The following GALNTL6 variants were observed in gnomAD, a reference collection of about 807,000 sequenced individuals.
GALNTL6 encodes polypeptide N-acetylgalactosaminyltransferase like 6.
In GALNTL6, 46 loss-of-function variants were observed where a neutral mutation model predicts 73.7. The ratio of observed to expected loss-of-function variants is 0.62; its 90% CI spans 0.49 to 0.80. The LOEUF (loss-of-function observed/expected upper bound fraction) is 0.80, where lower values mean the gene tolerates loss of function less well. Ranked by LOEUF, GALNTL6 falls within the 30% of genes least tolerant of loss-of-function variation. The probability of loss-of-function intolerance (pLI) is 0.00; values close to 1 mark genes in which losing one functional copy is unlikely to be tolerated. For synonymous variants in GALNTL6, 259 were observed against 263.7 expected, an observed-to-expected ratio of 0.98 and a Z score of 0.17; for missense variants, 604 against 755.0, an observed-to-expected ratio of 0.80 and a Z score of 2.34.
intron 2 of GALNTL6, among the ~76,000 whole-genome samples, chr4:172,049,347 C>G (rs1323635558): frequency 2.6e-5 from 4 of 152,124 alleles, no homozygotes; most frequent in African/African-American, 9.7e-5. Context: ...CAAAAAGAAA[C>G]AGTAGAGAGC....
chr4:172,905,807 T>G (rs1376814865), intron 8 of GALNTL6, among the ~76,000 whole-genome samples: 2 of 50,890 alleles, frequency 3.9e-5, no homozygotes, highest in African/African-American at 9.4e-5. Flanking sequence ...CTCCTAGAGA[T>G]CACTCAAAAA....
At chr4:172,696,085 A>G (rs1057203023) in intron 5 of GALNTL6, among the ~76,000 whole-genome samples, 1 of 152,218 alleles carries the variant, frequency 6.6e-6, no homozygotes, top group East Asian at 1.9e-4. Flanking sequence ...TTGGTCAATG[A>G]TAATGTGTGG....
intron 5 of GALNTL6, among the ~76,000 whole-genome samples, chr4:172,699,774 G>T (rs1733917523): frequency 6.6e-6 from 1 of 152,062 alleles, no homozygotes; most frequent in South Asian, 2.1e-4. Context: ...TAAGTTTTGT[G>T]CTTTGGGCCA....
chr4:172,961,394 C>G (rs1317442614), intron 10 of GALNTL6, among the ~76,000 whole-genome samples: 1 of 151,780 alleles, frequency 6.6e-6, no homozygotes, highest in East Asian at 1.9e-4. Context: ...GGTGTAGAGA[C>G]ATGGAGATAA....
At chr4:172,468,005 T>C (rs1455864585) in intron 5 of GALNTL6, among the ~76,000 whole-genome samples, 2 of 151,264 alleles carry the variant, frequency 1.3e-5, no homozygotes, top group Non-Finnish European at 2.9e-5. Flanking sequence ...GTGATCCTCC[T>C]ACTTCAGCCT....
intron 2 of GALNTL6, among the ~76,000 whole-genome samples, chr4:172,111,738 A>G (rs1732857038): frequency 6.6e-6 from 1 of 151,914 alleles, no homozygotes; most frequent in South Asian, 2.1e-4. Flanking sequence ...ACTTATATAC[A>G]TTTTATTTTT....
At position 172,606,702 on chromosome 4, in the gene GALNTL6, G is replaced by T. The variant is rs569827372; in HGVS notation, c.554-202659G>T. On this transcript the variant is annotated intron_variant, in intron 5 of 12. Transcript: ENST00000506823. ...TATATATATAGTATATATATATAGT[G>T]TGTATATATATAGTATATATATATA... Among the ~76,000 whole-genome samples, 782 of 82,618 alleles carry T rather than the reference G, an allele frequency of 9.5e-3. 14 individuals carry two copies. Among genetic ancestry groups the T allele is most frequent in the African/African-American group, 0.028 (730 of 26,068 alleles). 54.2% of individuals were successfully genotyped at this position (82,618 alleles called of 152,430 possible).
chr4:172,069,555 G>GTTATATATAACACATATGTGTTTTATATA (rs1553989776), intron 2 of GALNTL6, among the ~76,000 whole-genome samples: 1 of 60,914 alleles, frequency 1.6e-5, no homozygotes, highest in Admixed American at 2.1e-4. Context: ...ACACATATAT[G>GTTATATATAACACATATGTGTTTTATATA]TTATATATAA....
chr4:172,935,437 G>A (rs1053683767), intron 9 of GALNTL6, among the ~76,000 whole-genome samples: 1 of 151,988 alleles, frequency 6.6e-6, no homozygotes, highest in Admixed American at 6.6e-5. Context: ...AATCAGAGCA[G>A]AACTGAAGGA....
chr4:171,878,742 A>C (rs1736348815), intron 2 of GALNTL6, among the ~76,000 whole-genome samples: 1 of 152,182 alleles, frequency 6.6e-6, no homozygotes, highest in Non-Finnish European at 1.5e-5. Context: ...ATTTCATGTC[A>C]AATTGTAATC....
Position 172,192,678 on chromosome 4 carries a change from C to CAGG in GALNTL6, c.139-36975_139-36973dup, listed in dbSNP as rs371356371. Reference sequence around the variant, plus strand: ...TCATGGATCTGTGCAACTCGCCCATCAGGAGATCCATTTGTGAGCTCATGC... The same window carrying CAGG: ...TCATGGATCTGTGCAACTCGCCCATCAGGAGGAGATCCATTTGTGAGCTCATGC... On this transcript the variant is annotated intron_variant, in intron 2 of 12. Transcript: ENST00000506823. Among the ~76,000 whole-genome samples, 630 of 152,312 alleles carry CAGG rather than the reference C, an allele frequency of 4.1e-3. 3 individuals carry two copies. Among genetic ancestry groups the CAGG allele is most frequent in the African/African-American group, 0.014 (588 of 41,556 alleles).
At chr4:172,167,439 C>T (rs574907232) in intron 2 of GALNTL6, among the ~76,000 whole-genome samples, 12 of 152,152 alleles carry the variant, frequency 7.9e-5, no homozygotes, top group Middle Eastern at 6.8e-3. Flanking sequence ...CAAAATTCAG[C>T]GAAAGTTGTT....
chr4:173,037,308 G>T (rs921540209), intron 12 of GALNTL6, among the ~76,000 whole-genome samples: 25 of 152,188 alleles, frequency 1.6e-4, no homozygotes, highest in African/African-American at 6.0e-4. Context: ...ACTAGGAGAG[G>T]CTCCAGAGAT....
chr4:172,383,108 C>T (rs190860966), intron 5 of GALNTL6, among the ~76,000 whole-genome samples: 11 of 152,098 alleles, frequency 7.2e-5, no homozygotes, highest in Admixed American at 3.9e-4. Context: ...TTTGACTATT[C>T]TGGAGCCATT....
intron 5 of GALNTL6, among the ~76,000 whole-genome samples, chr4:172,462,169 A>G (rs772994678): frequency 4.0e-5 from 6 of 151,748 alleles, no homozygotes; most frequent in Non-Finnish European, 7.4e-5. Context: ...TTACACCACT[A>G]GTTTTCATAA....
At chr4:172,197,267 C>T (rs369887789) in intron 2 of GALNTL6, among the ~76,000 whole-genome samples, 14 of 152,040 alleles carry the variant, frequency 9.2e-5, no homozygotes, top group African/African-American at 1.9e-4. Flanking sequence ...GAACTACAAA[C>T]GACTGCTCAA....
At chr4:172,488,532 C>T (rs1733778139) in intron 5 of GALNTL6, among the ~76,000 whole-genome samples, 1 of 152,144 alleles carries the variant, frequency 6.6e-6, no homozygotes. Flanking sequence ...AAGCCCAGCA[C>T]AGTAAGACAG....
intron 2 of GALNTL6, among the ~76,000 whole-genome samples, chr4:172,226,587 G>C (rs375834626): frequency 2.5e-5 from 1 of 39,976 alleles, no homozygotes; most frequent in Non-Finnish European, 4.9e-5. Context: ...GTGTCTGTGT[G>C]TCTGTGTGTG....
rs114304360 is a variant in GALNTL6 at position 172,268,429 on chromosome 4, G to C, written c.247+38665G>C. Among the ~76,000 whole-genome samples the C allele has an allele frequency of 4.6e-3, 697 of 152,278 alleles. 8 individuals are homozygous for C. Among genetic ancestry groups the C allele is most frequent in the African/African-American group, 0.016 (659 of 41,560 alleles). On this transcript the variant is annotated intron_variant, in intron 3 of 12. Coordinates refer to ENST00000506823, the MANE Select transcript of GALNTL6 (RefSeq NM_001034845.3). ...GTAGCTGAGATAATCCTTCAGTGTC[G>C]TCACTTGCTAAAGCAAGGGAATTGG...
Sources: allele counts gnomAD v4.1 joint callset (sites outside exome capture counted in the v4.1 genomes callset), GRCh38; gene constraint gnomAD v4.1.1; transcripts MANE v1.5; gene names NCBI Gene and HGNC (gene_info 2026-07-23, HGNC 2026-07-21).